The following STEAP3 variants were observed in gnomAD, a reference collection of about 807,000 sequenced individuals.
STEAP3 encodes the protein metalloreductase STEAP3.
A neutral mutation model predicts 34.9 loss-of-function variants in STEAP3; 35 were observed. The ratio of observed to expected loss-of-function variants is 1.00; its 90% CI spans 0.76 to 1.33. The LOEUF is 1.33. STEAP3 is among the 40% of genes most tolerant of loss of function. The pLI is 0.00. For missense variants in STEAP3, 652 were observed against 667.6 expected (o/e 0.98, Z 0.26); for synonymous variants, 281 against 301.6 (o/e 0.93, Z 0.71).
intron 4 of STEAP3, among the ~76,000 whole-genome samples, chr2:119,250,784 C>A (rs1174167537): frequency 1.3e-5 from 2 of 152,154 alleles, no homozygotes; most frequent in Non-Finnish European, 2.9e-5. Flanking sequence ...ATGCAAATAC[C>A]AGGGCACAGA....
At position 119,254,675 on chromosome 2, in the gene STEAP3, C is replaced by T. The variant is rs529990920; in HGVS notation, c.1051-9C>T. 4 of 1,614,112 alleles carry T rather than the reference C, an allele frequency of 2.5e-6. No homozygotes were observed. In the South Asian group the frequency reaches 4.4e-5, roughly 18 times the overall value. On this transcript the variant is annotated splice_polypyrimidine_tract_variant and intron_variant, in intron 4 of 5. Transcript: ENST00000393110. Reference sequence around the variant, plus strand: ...ACAGTGTTCATGGTTTTCCTTCCATCCATGTCAGGTCTTGGCCAACAAGAG... The same window carrying T: ...ACAGTGTTCATGGTTTTCCTTCCATTCATGTCAGGTCTTGGCCAACAAGAG...
chr2:119,261,188 G>C (rs1677931367), intron 5 of STEAP3, among the ~76,000 whole-genome samples: 1 of 152,060 alleles, frequency 6.6e-6, no homozygotes. Context: ...GCAAGAACGG[G>C]GCCCAATGTG....
intron 4 of STEAP3, among the ~76,000 whole-genome samples, chr2:119,251,625 A>T (rs1433036871): frequency 1.3e-5 from 2 of 152,176 alleles, no homozygotes; most frequent in African/African-American, 4.8e-5. Context: ...TCATCTGACC[A>T]TGTCACTGCT....
chr2:119,233,750 G>C (rs1200642555), intron 2 of STEAP3, among the ~76,000 whole-genome samples: 1 of 152,202 alleles, frequency 6.6e-6, no homozygotes, highest in African/African-American at 2.4e-5. Context: ...TAGTCCCAGA[G>C]CGTGAAGTCC....
rs767394433 is a variant in STEAP3, at chr2:119,263,129, G to A, written c.1288G>A (p.Glu430Lys). The A allele has an allele frequency of 1.6e-5, 26 of 1,613,390 alleles. No homozygotes were observed. The South Asian group carries it at 1.8e-4, about 11-fold the overall frequency. ...CACCTACGGCTGGACCCGCGCCTTC[G>A]AGGAGAGCCGCTACAAGTTCTACCT... ...TLTYGWTRAF[E>K]ESRYKFYLPP... Residue 430 changes from glutamate (E) to lysine (K), a missense_variant, in exon 6 of 6, where the codon GAG (glutamate) becomes AAG (lysine). Transcript: ENST00000393110.
chr2:119,230,897 CG>C lies in STEAP3; in HGVS notation c.-115del. On this transcript the variant is annotated 5_prime_UTR_variant, in exon 2 of 6. Coordinates refer to ENST00000393110, the MANE Select transcript of STEAP3 (RefSeq NM_182915.3). ...GCAGGGCCCTCGCCTCCTGAGAAAC[CG>C]AGAGTCAGAACCAAAGCCAGGCTGT... 1 of 1,439,822 alleles carries C rather than the reference CG, an allele frequency of 6.9e-7. No homozygotes were observed. The highest frequency in any genetic ancestry group is 9.8e-7 in the Non-Finnish European group (1 of 1,025,356). The allele number at this position is 1,439,822 out of a possible 1,614,324, so 89.2% of individuals were successfully genotyped here. A position where few individuals can be genotyped will look rare whatever the true frequency, so the allele number is the denominator to read the frequency against.
intron 5 of STEAP3, among the ~76,000 whole-genome samples, chr2:119,260,788 GACC>G (rs1403069086): frequency 6.6e-6 from 1 of 152,212 alleles, no homozygotes; most frequent in Non-Finnish European, 1.5e-5. Context: ...TTTGGGAGGT[GACC>G]ACATTAAAAT....
In STEAP3 at chr2:119,263,439, CA is replaced by C; in HGVS notation, c.*104del. ...TGGTGCAAAGTGGTATAACTGTGTG[CA>C]AATAGGAGGTTTGAGGTCCAAATTC... On this transcript the variant is annotated 3_prime_UTR_variant, in exon 6 of 6. Coordinates refer to ENST00000393110, the MANE Select transcript of STEAP3 (RefSeq NM_182915.3). 2 of 1,509,772 alleles carry C rather than the reference CA, an allele frequency of 1.3e-6. No individual in the cohort carries two copies. Among genetic ancestry groups the C allele is most frequent in the Non-Finnish European group, 1.8e-6 (2 of 1,119,944 alleles). The allele number at this position is 1,509,772 out of a possible 1,614,324, so 93.5% of individuals were successfully genotyped here. A position where few individuals can be genotyped will look rare whatever the true frequency, so the allele number is the denominator to read the frequency against.
At position 119,263,642 on chromosome 2, in the gene STEAP3, G is replaced by A; in HGVS notation, c.*304G>A. The A allele has an allele frequency of 2.1e-6, 1 of 473,096 alleles. No individual in the cohort carries two copies. The highest frequency in any genetic ancestry group is 3.3e-5 in the Admixed American group (1 of 30,016). 29.3% of individuals were successfully genotyped at this position (473,096 alleles called of 1,614,324 possible). ...AAACAAGTGCCGTACGTTAAGAGAA[G>A]AGCAGATCATGCTATTGTGACATTT... On this transcript the variant is annotated 3_prime_UTR_variant, in exon 6 of 6. Transcript: ENST00000393110.
chr2:119,248,267 C>A (rs1677512905), intron 4 of STEAP3, 61 bp downstream of exon 4: 1 of 1,493,612 alleles, frequency 6.7e-7, no homozygotes, highest in Non-Finnish European at 8.9e-7. Context: ...CAGCACCTCC[C>A]CCCCCCACCA....
chr2:119,257,654 T>A, intron 5 of STEAP3: 2 of 1,454,668 alleles, frequency 1.4e-6, no homozygotes, highest in Non-Finnish European at 1.8e-6. Flanking sequence ...AAATGCAGGA[T>A]GCGTGCAGCC....
intron 5 of STEAP3, among the ~76,000 whole-genome samples, chr2:119,260,526 C>T (rs935751245): frequency 6.6e-6 from 1 of 152,118 alleles, no homozygotes; most frequent in Non-Finnish European, 1.5e-5. Context: ...GAACTCCCAA[C>T]CTCAGGTGAT....
chr2:119,249,215 T>C (rs1558753600), intron 4 of STEAP3: 1 of 152,168 alleles, frequency 6.6e-6, no homozygotes, highest in African/African-American at 2.4e-5. Context: ...AGAAAATTCA[T>C]ATGGGGCTTG....
chr2:119,230,825 G>C lies in STEAP3; in HGVS notation c.-188G>C, dbSNP rs964916628. 1.4e-6 allele frequency: 1 copy of C among 700,190 alleles called. No homozygotes were observed. Among genetic ancestry groups the C allele is most frequent in the Non-Finnish European group, 2.5e-6 (1 of 400,956 alleles). 43.4% of individuals were successfully genotyped at this position (700,190 alleles called of 1,614,324 possible). On this transcript the variant is annotated 5_prime_UTR_variant, in exon 2 of 6. Transcript: ENST00000393110. ...CTCCCGGTCCAGCCCCTGTGGCCAA[G>C]AGCTGGCGTGCAGGCTGCGGGAGGC...
chr2:119,228,407 C>A (rs3769659), intron 1 of STEAP3, among the ~76,000 whole-genome samples: 49,851 of 151,998 alleles, frequency 0.33, 9,464 homozygotes, highest in East Asian at 0.64. Context: ...GTCAGTAGCA[C>A]GCTGAATGCA....
intron 2 of STEAP3, among the ~76,000 whole-genome samples, chr2:119,237,275 C>T (rs565077131): frequency 6.6e-6 from 1 of 152,226 alleles, no homozygotes; most frequent in South Asian, 2.1e-4. Context: ...TAGCTGGTGG[C>T]CTGGGCAAGT....
intron 5 of STEAP3, chr2:119,257,553 A>T: frequency 6.5e-7 from 1 of 1,544,458 alleles, no homozygotes; most frequent in Non-Finnish European, 8.8e-7. Context: ...GCATCATCAG[A>T]CAAGTTTCCT....
chr2:119,240,028 A>T (rs573715647), intron 2 of STEAP3, among the ~76,000 whole-genome samples: 21 of 152,178 alleles, frequency 1.4e-4, no homozygotes, highest in African/African-American at 3.1e-4. Flanking sequence ...GACAAAAAAA[A>T]TTTTTTTTAA....
chr2:119,229,668 A>C (rs1177693010), intron 1 of STEAP3, among the ~76,000 whole-genome samples: 1 of 151,936 alleles, frequency 6.6e-6, no homozygotes, highest in Non-Finnish European at 1.5e-5. Flanking sequence ...GCCGGGAGAG[A>C]TTGTCAGGGG....
Sources: gnomAD v4.1 joint callset for allele counts (sites outside exome capture counted in the v4.1 genomes callset) on GRCh38, gnomAD v4.1.1 for gene constraint, MANE v1.5 for transcripts, NCBI Gene and HGNC (gene_info 2026-07-23, HGNC 2026-07-21) for gene names.